The following ITGB3 variants were observed in gnomAD, a reference collection of about 807,000 sequenced individuals.
ITGB3 encodes integrin beta-3.
Under a neutral mutation model 85.8 loss-of-function variants are expected in ITGB3, and 48 were observed. The observed-to-expected ratio is 0.56, with a 90% confidence interval of 0.44 to 0.71. ITGB3 has a LOEUF of 0.71. Ranked by LOEUF, ITGB3 falls within the 30% of genes least tolerant of loss-of-function variation. The pLI is 0.00. For synonymous variants in ITGB3, 363 were observed against 395.6 expected (o/e 0.92, Z 0.98); for missense variants, 861 against 1,019.1 (o/e 0.84, Z 2.11).
intron 10 of ITGB3, among the ~76,000 whole-genome samples, chr17:47,296,493 C>T (rs2065146467): frequency 6.6e-6 from 1 of 152,146 alleles, no homozygotes; most frequent in African/African-American, 2.4e-5. Flanking sequence ...CTCGGCCTCC[C>T]AGAGTGTTGA....
At chr17:47,288,131 G>T (rs2065110307) in intron 6 of ITGB3, among the ~76,000 whole-genome samples, 1 of 151,090 alleles carries the variant, frequency 6.6e-6, no homozygotes, top group Admixed American at 6.6e-5. Flanking sequence ...TAAGCAATCT[G>T]CCCTCTTAAG....
At chr17:47,264,448 T>TA (rs2065018919) in intron 1 of ITGB3, among the ~76,000 whole-genome samples, 1 of 152,224 alleles carries the variant, frequency 6.6e-6, no homozygotes, top group African/African-American at 2.4e-5. Context: ...TGGATTATTT[T>TA]AGTACATTTC....
rs78408552 is a variant in ITGB3, at chr17:47,283,523, A to G, written c.335A>G (p.Gln112Arg). 1 of 1,614,228 alleles carries G rather than the reference A, an allele frequency of 6.2e-7. No homozygotes were observed. The highest frequency in any genetic ancestry group is 1.3e-5 in the African/African-American group (1 of 75,064). ...TCCCAGGTCACTCAAGTCAGTCCCC[A>G]GAGGATTGCACTCCGGCTCCGGCCA... ...DSSQVTQVSP[Q>R]RIALRLRPDD... Residue 112 changes from glutamine to arginine, a missense_variant, in exon 3 of 15, where the codon CAG becomes CGG. Gln to Arg is a conservative substitution (Grantham distance 43). Transcript: ENST00000559488.
chr17:47,290,739 A>G (rs2065121923), intron 8 of ITGB3, among the ~76,000 whole-genome samples: 1 of 152,082 alleles, frequency 6.6e-6, no homozygotes, highest in African/African-American at 2.4e-5. Context: ...ACTCACCTAG[A>G]CGCAAGTGGA....
At chr17:47,274,538 C>T (rs1201365027) in intron 2 of ITGB3, 34 bp downstream of exon 2, 2 of 1,577,582 alleles carry the variant, frequency 1.3e-6, no homozygotes, top group Non-Finnish European at 1.7e-6. Flanking sequence ...GTTTCTTCTC[C>T]AGACTAAGCT....
chr17:47,293,453 G>T (rs554125131), intron 10 of ITGB3, among the ~76,000 whole-genome samples: 1 of 152,196 alleles, frequency 6.6e-6, no homozygotes, highest in Non-Finnish European at 1.5e-5. Context: ...CACTGAGGAT[G>T]GGTTTTTACT....
At chr17:47,289,584 C>T in intron 6 of ITGB3, 97 bp from the exon 7 acceptor site, 1 of 867,188 alleles carries the variant, frequency 1.2e-6, no homozygotes, top group Non-Finnish European at 2.0e-6. Flanking sequence ...AGCACCACCA[C>T]ACTCTGAGCC....
chr17:47,264,876 C>G (rs976740502), intron 1 of ITGB3, among the ~76,000 whole-genome samples: 1 of 152,088 alleles, frequency 6.6e-6, no homozygotes, highest in Non-Finnish European at 1.5e-5. Flanking sequence ...ATTCCTTTAT[C>G]CTGCTTTATT....
intron 10 of ITGB3, among the ~76,000 whole-genome samples, chr17:47,294,466 CA>C (rs1258827566): frequency 1.3e-5 from 2 of 152,204 alleles, no homozygotes; most frequent in Non-Finnish European, 2.9e-5. Flanking sequence ...ACTAAAGCCA[CA>C]AAACAAAGCT....
In ITGB3 at chr17:47,288,216, G is replaced by C. The variant is rs538658560; in HGVS notation, c.939+985G>C. On this transcript the variant is annotated intron_variant, in intron 6 of 14. Coordinates refer to ENST00000559488, the MANE Select transcript of ITGB3 (RefSeq NM_000212.3). ...ACCCCTTCTCTTAGAAAGAGAGAGAGAGAGAGAGAGAGAGAGAGAGAGAGA... is the reference window on the plus strand; with the variant it reads ...ACCCCTTCTCTTAGAAAGAGAGAGACAGAGAGAGAGAGAGAGAGAGAGAGA... Among the ~76,000 whole-genome samples the C allele has an allele frequency of 3.1e-3, 409 of 131,710 alleles. 2 individuals carry two copies. Among genetic ancestry groups the C allele is most frequent in the Middle Eastern group, 0.016 (4 of 252 alleles). 86.4% of individuals were successfully genotyped at this position (131,710 alleles called of 152,430 possible).
chr17:47,259,737 T>TA (rs1191920903), intron 1 of ITGB3, among the ~76,000 whole-genome samples: 3 of 152,132 alleles, frequency 2.0e-5, no homozygotes. Context: ...CTGTCTCTAC[T>TA]AAAAATACAA....
Position 47,289,769 on chromosome 17 carries a change from T to C in ITGB3, c.1028T>C (p.Leu343Pro). ...GCAGTGACTGAAAATGTAGTCAATC[T>C]CTATCAGGTGACTGTGCCTTCGGGC... ...IFAVTENVVN[L>P]YQNYSELIPG... The change falls in exon 7 of 15, where the codon CTC becomes CCC. Residue 343 changes from leucine (L) to proline (P), a missense_variant. Coordinates refer to ENST00000559488, the MANE Select transcript of ITGB3 (RefSeq NM_000212.3). The C allele has an allele frequency of 6.2e-7, 1 of 1,612,038 alleles. No individual in the cohort carries two copies. Among genetic ancestry groups the C allele is most frequent in the South Asian group, 1.1e-5 (1 of 91,020 alleles).
At chr17:47,271,319 A>G (rs1159630023) in intron 1 of ITGB3, among the ~76,000 whole-genome samples, 1 of 152,212 alleles carries the variant, frequency 6.6e-6, no homozygotes, top group Non-Finnish European at 1.5e-5. Flanking sequence ...GTTAAAGTAT[A>G]TATAATTTTA....
chr17:47,259,340 T>TG (rs796961254), intron 1 of ITGB3: 1 of 1,580 alleles, frequency 6.3e-4, no homozygotes, highest in Non-Finnish European at 1.5e-3. Flanking sequence ...TCCTTTTTTT[T>TG]GGGAGGGTGG....
At chr17:47,295,607 T>C (rs1026813969) in intron 10 of ITGB3, among the ~76,000 whole-genome samples, 1 of 152,204 alleles carries the variant, frequency 6.6e-6, no homozygotes, top group African/African-American at 2.4e-5. Flanking sequence ...ACTCCCTGGC[T>C]GGCCCATCTT....
chr17:47,301,543 G>A (rs1269534856), intron 12 of ITGB3, among the ~76,000 whole-genome samples: 7 of 151,272 alleles, frequency 4.6e-5, no homozygotes, highest in Admixed American at 1.3e-4. Flanking sequence ...AGAGAGGAGA[G>A]GCTGCTGAGA....
Position 47,310,250 on chromosome 17 carries a change from G to C in ITGB3, c.*46G>C. 1 of 1,548,462 alleles carries C rather than the reference G, an allele frequency of 6.5e-7. No homozygotes were observed. Among genetic ancestry groups the C allele is most frequent in the Non-Finnish European group, 8.9e-7 (1 of 1,120,648 alleles). ...ATCATTATCAGCCTGTGCCACGATT[G>C]CAGGAGTCCCTGCCATCATGTTTAC... On this transcript the variant is annotated 3_prime_UTR_variant, in exon 15 of 15. Coordinates refer to ENST00000559488, the MANE Select transcript of ITGB3 (RefSeq NM_000212.3).
chr17:47,254,015 C>A, intron 1 of ITGB3, 75 bp downstream of exon 1: 3 of 988,616 alleles, frequency 3.0e-6, no homozygotes, highest in South Asian at 2.1e-5. Flanking sequence ...GGACTTGGAG[C>A]CGGCAAACGC....
Position 47,283,548 on chromosome 17 carries a change from A to G in ITGB3, c.360A>G (p.Pro120=), listed in dbSNP as rs769521753. The change falls in exon 3 of 15, where the codon CCA becomes CCG. Residue 120 remains proline (P), a splice_region_variant and synonymous_variant. Transcript: ENST00000559488. ...SPQRIALRLR[P]DDSKNFSIQV... Reference sequence around the variant, plus strand: ...AGAGGATTGCACTCCGGCTCCGGCCAGGTAGGGCTGGGACTCTTTGCGGGG... The same window carrying G: ...AGAGGATTGCACTCCGGCTCCGGCCGGGTAGGGCTGGGACTCTTTGCGGGG... The G allele has an allele frequency of 1.9e-6, 3 of 1,614,162 alleles. No homozygotes were observed. The highest frequency in any genetic ancestry group is 2.5e-6 in the Non-Finnish European group (3 of 1,180,016).
Sources: allele counts gnomAD v4.1 joint callset (sites outside exome capture counted in the v4.1 genomes callset), GRCh38; gene constraint gnomAD v4.1.1; transcripts MANE v1.5; gene names NCBI Gene and HGNC (gene_info 2026-07-23, HGNC 2026-07-21).